The following PBRM1 variants were observed in gnomAD, a reference collection of about 807,000 sequenced individuals.
PBRM1 encodes the protein protein polybromo-1.
In PBRM1, 27 loss-of-function variants were observed where a neutral mutation model predicts 194.5. The observed-to-expected ratio is 0.14, with a 90% CI of 0.10 to 0.19. The LOEUF (loss-of-function observed/expected upper bound fraction) is 0.19, where lower values mean the gene tolerates loss of function less well. Ranked by LOEUF, PBRM1 falls within the 10% of genes least tolerant of loss-of-function variation. The pLI is 1.00. For synonymous variants in PBRM1, 655 were observed against 693.2 expected (o/e 0.94, Z 0.87); for missense variants, 1,466 against 2,077.2 (o/e 0.71, Z 5.72).
rs539886956 is a variant in PBRM1 at position 52,603,498 on chromosome 3, C to A, written c.2779+23G>T. On this transcript the variant is annotated intron_variant, in intron 17 of 29. Coordinates refer to ENST00000296302, the Ensembl canonical transcript of PBRM1. ...AGAAGACAGTGCATTTTTTCATATT[C>A]AATAAAATGAAAAGAAACCAACCTC... The A allele has an allele frequency of 4.4e-6, 7 of 1,576,690 alleles. No individual in the cohort carries two copies. In the East Asian group the frequency reaches 1.6e-4, roughly 35 times the overall value.
Position 52,618,678 on chromosome 3 carries a change from T to C in PBRM1, c.1542-1140A>G, listed in dbSNP as rs1180642185. On this transcript the variant is annotated intron_variant, in intron 13 of 29. Coordinates refer to ENST00000296302, the Ensembl canonical transcript of PBRM1. ...GGCACGATCTCAGCTCACCGCAACC[T>C]CTGCCTCCTGGGTTCAAGCGATTCT... 2.0e-5 allele frequency among the ~76,000 whole-genome samples: 3 copies of C among 146,402 alleles called. No individual in the cohort carries two copies. The Admixed American group carries it at 2.1e-4, about 10-fold the overall frequency.
intron 15 of PBRM1, among the ~76,000 whole-genome samples, chr3:52,612,887 C>CA (rs71084197): frequency 0.36 from 49,494 of 137,570 alleles, 9,326 homozygotes; most frequent in Middle Eastern, 0.5. Context: ...GCCTGGGCAA[C>CA]AGAGTGAGAA....
chr3:52,669,608 T>C (rs763237435), intron 2 of PBRM1, among the ~76,000 whole-genome samples: 2 of 152,210 alleles, frequency 1.3e-5, no homozygotes, highest in Non-Finnish European at 2.9e-5. Context: ...ACAAATAACA[T>C]CATGGCGATT....
At chr3:52,630,648 G>A (rs887743595) in intron 11 of PBRM1, among the ~76,000 whole-genome samples, 17 of 152,154 alleles carry the variant, frequency 1.1e-4, no homozygotes, top group Non-Finnish European at 1.9e-4. Context: ...CTCACAATCC[G>A]CGGAAGGCAG....
At position 52,589,319 on chromosome 3, in the gene PBRM1, T is replaced by C. The variant is rs1401243874; in HGVS notation, c.2780-64A>G. ...TCACCAAAGGGATGCTGAAGTCAGATGTAGGGTTCAAACAACACATACTAA... is the reference window on the plus strand; with the variant it reads ...TCACCAAAGGGATGCTGAAGTCAGACGTAGGGTTCAAACAACACATACTAA... On this transcript the variant is annotated intron_variant, in intron 17 of 29. Coordinates refer to ENST00000296302, the Ensembl canonical transcript of PBRM1. 22 of 1,072,200 alleles carry C rather than the reference T, an allele frequency of 2.1e-5. No homozygotes were observed. The East Asian group carries it at 2.4e-4, about 11-fold the overall frequency. 66.4% of individuals were successfully genotyped at this position (1,072,200 alleles called of 1,614,324 possible). A position where few individuals can be genotyped will look rare whatever the true frequency, so the allele number is the denominator to read the frequency against.
intron 2 of PBRM1, among the ~76,000 whole-genome samples, chr3:52,670,235 C>T (rs2096919787): frequency 6.6e-6 from 1 of 152,158 alleles, no homozygotes. Context: ...ACCACAAAGA[C>T]AAAAGAAAAA....
chr3:52,621,371 GC>G (rs1434193392), intron 13 of PBRM1, among the ~76,000 whole-genome samples: 1 of 152,054 alleles, frequency 6.6e-6, no homozygotes, highest in African/African-American at 2.4e-5. Context: ...CACTGTGTTA[GC>G]CAGGATGGTC....
chr3:52,629,492 A>G (rs1457885731), intron 11 of PBRM1, among the ~76,000 whole-genome samples: 3 of 152,362 alleles, frequency 2.0e-5, no homozygotes, highest in Admixed American at 1.3e-4. Context: ...TTAAAGAGAC[A>G]GTACTGACAG....
chr3:52,652,930 G>A (rs1375811154), intron 5 of PBRM1, among the ~76,000 whole-genome samples: 1 of 148,076 alleles, frequency 6.8e-6, no homozygotes, highest in East Asian at 2.1e-4. Context: ...CGCAGGAGAT[G>A]GAGGTTGCAG....
intron 17 of PBRM1, among the ~76,000 whole-genome samples, chr3:52,601,709 G>A (rs1191579938): frequency 1.3e-5 from 2 of 152,144 alleles, no homozygotes; most frequent in African/African-American, 4.8e-5. Context: ...GTGTTAGCAG[G>A]TCCAGGCAGG....
chr3:52,556,313 A>T (rs2082221222), intron 26 of PBRM1, among the ~76,000 whole-genome samples: 1 of 151,222 alleles, frequency 6.6e-6, no homozygotes, highest in Admixed American at 6.6e-5. Context: ...TATACATAAG[A>T]TTATGAGTTT....
At chr3:52,624,493 C>T (rs1297119179) in intron 13 of PBRM1, among the ~76,000 whole-genome samples, 1 of 152,204 alleles carries the variant, frequency 6.6e-6, no homozygotes, top group Non-Finnish European at 1.5e-5. Flanking sequence ...TCCACATGCA[C>T]TGATGTCACT....
intron 17 of PBRM1, among the ~76,000 whole-genome samples, chr3:52,591,410 T>C (rs532390482): frequency 1.3e-5 from 2 of 152,294 alleles, no homozygotes; most frequent in African/African-American, 4.8e-5. Flanking sequence ...ATGGCTCTTA[T>C]TATTTAGAAG....
rs1377130464 is a variant in PBRM1 at position 52,609,416 on chromosome 3, A to G, written c.2464T>C (p.Phe822Leu). The G allele has an allele frequency of 6.2e-7, 1 of 1,613,786 alleles. No individual in the cohort carries two copies. Among genetic ancestry groups the G allele is most frequent in the Non-Finnish European group, 8.5e-7 (1 of 1,179,714 alleles). The change falls in exon 16 of 30, where the codon TTT becomes CTT. Residue 822 changes from phenylalanine to leucine, a missense_variant. By Grantham distance (22) the Phe-to-Leu change is conservative. Around this residue, in one of 5 missense-constraint regions of PBRM1, gnomAD observed 687 missense variants for 946.2 expected, o/e 0.73. Transcript: ENST00000296302. The surrounding 1 kb of genome is among the most constrained non-coding windows in gnomAD (Gnocchi z 4.1). ...TCAACATTCTTCCTAATTATGTCAA[A>G]TGTAAGGGGTGGTTTGTTAGGAAAG... is the stretch of plus-strand genomic sequence containing the variant.
intron 27 of PBRM1, among the ~76,000 whole-genome samples, chr3:52,551,461 CAAAG>C (rs371489604): frequency 9.2e-5 from 14 of 152,126 alleles, no homozygotes; most frequent in African/African-American, 3.4e-4. Flanking sequence ...TGCAAAATGA[CAAAG>C]GAACAGAGAG....
At position 52,564,044 on chromosome 3, in the gene PBRM1, C is replaced by T; in HGVS notation, c.3875+6G>A. ...CTCTTTTTTCCTTAAGTTTTTCAAGCTTTACCTGAAGTAGTAAATTTCATC... is the reference window on the plus strand; with the variant it reads ...CTCTTTTTTCCTTAAGTTTTTCAAGTTTTACCTGAAGTAGTAAATTTCATC... On this transcript the variant is annotated splice_donor_region_variant and intron_variant, in intron 23 of 29. Coordinates refer to ENST00000296302, the Ensembl canonical transcript of PBRM1. 1 of 1,597,376 alleles carries T rather than the reference C, an allele frequency of 6.3e-7. No homozygotes were observed. Among genetic ancestry groups the T allele is most frequent in the Non-Finnish European group, 8.6e-7 (1 of 1,169,150 alleles).
rs770636169 is a variant in PBRM1 at position 52,679,619 on chromosome 3, T to G, written c.93A>C (p.Pro31=). ...TGGAAAGTCTCCTCCTTTTCCTGCT[T>G]GGGCCTGGTGTTGACACAGAATGGT... Residue 31 remains proline (P), a synonymous_variant, in exon 1 of 30, where the codon CCA becomes CCC. Coordinates refer to ENST00000296302, the Ensembl canonical transcript of PBRM1. 5.6e-6 allele frequency: 9 copies of G among 1,614,100 alleles called. No individual in the cohort carries two copies. The South Asian group carries it at 7.7e-5, about 14-fold the overall frequency.
chr3:52,632,660 T>C (rs2095658735), intron 11 of PBRM1, among the ~76,000 whole-genome samples: 1 of 151,294 alleles, frequency 6.6e-6, no homozygotes, highest in Non-Finnish European at 1.5e-5. Context: ...AAAATTTTGG[T>C]ATAACACAAA....
chr3:52,603,041 A>G (rs1365523336), intron 17 of PBRM1, among the ~76,000 whole-genome samples: 2 of 152,244 alleles, frequency 1.3e-5, no homozygotes, highest in African/African-American at 2.4e-5. Flanking sequence ...AGTGACCCAA[A>G]GTAACATTTT....
Sources: allele counts gnomAD v4.1 joint callset (sites outside exome capture counted in the v4.1 genomes callset), GRCh38; gene constraint gnomAD v4.1.1; regional missense constraint gnomAD v4.1.1; non-coding constraint Gnocchi (gnomAD v3.1); transcripts MANE v1.5; gene names NCBI Gene and HGNC (gene_info 2026-07-23, HGNC 2026-07-21).